CNTN1: variants seen among roughly 807,000 people sequenced by gnomAD.
CNTN1 encodes contactin 1.
CNTN1 carries 38 observed loss-of-function variants against 126.4 expected under a neutral mutation model. The ratio of observed to expected loss-of-function variants is 0.30; its 90% confidence interval spans 0.23 to 0.39. The LOEUF (loss-of-function observed/expected upper bound fraction) is 0.39, where lower values mean the gene tolerates loss of function less well. Ranked by LOEUF, CNTN1 falls within the 10% of genes least tolerant of loss-of-function variation. The probability of loss-of-function intolerance (pLI) is 1.00; values close to 1 mark genes in which losing one functional copy is unlikely to be tolerated. For synonymous variants in CNTN1, 413 were observed against 422.6 expected (o/e 0.98, Z 0.28); for missense variants, 1,009 against 1,248.4 (o/e 0.81, Z 2.89).
At chr12:40,945,590 C>A (rs1034788732) in intron 14 of CNTN1, among the ~76,000 whole-genome samples, 1 of 151,438 alleles carries the variant, frequency 6.6e-6, no homozygotes, top group African/African-American at 2.4e-5. Flanking sequence ...ACTGAAACTT[C>A]ATATTTAGAG....
rs144009431 is a variant in CNTN1 at position 40,911,606 on chromosome 12, A to G, written c.94+1501A>G. 8.5e-5 allele frequency among the ~76,000 whole-genome samples: 13 copies of G among 152,278 alleles called. No homozygotes were observed. The East Asian group carries it at 2.5e-3, about 29-fold the overall frequency. ...CAAAAACTGCCTCATTCATGTCTCTAATGTCACACATTGTAAGTCCAGTGG... is the reference window on the plus strand; with the variant it reads ...CAAAAACTGCCTCATTCATGTCTCTGATGTCACACATTGTAAGTCCAGTGG... On this transcript the variant is annotated intron_variant, in intron 3 of 23. Coordinates refer to ENST00000551295, the MANE Select transcript of CNTN1 (RefSeq NM_001843.4).
intron 3 of CNTN1, among the ~76,000 whole-genome samples, chr12:40,910,473 T>C (rs1187817606): frequency 2.0e-5 from 3 of 152,190 alleles, no homozygotes; most frequent in African/African-American, 7.2e-5. Flanking sequence ...ATAACTAAAG[T>C]TAGTGAAATT....
chr12:41,041,888 T>G (rs1566200804), intron 23 of CNTN1, among the ~76,000 whole-genome samples: 1 of 152,174 alleles, frequency 6.6e-6, no homozygotes, highest in Non-Finnish European at 1.5e-5. Flanking sequence ...TTTAATTTTT[T>G]GAAGGGTTTT....
intron 1 of CNTN1, among the ~76,000 whole-genome samples, chr12:40,768,969 A>G (rs2136429439): frequency 6.6e-6 from 1 of 152,272 alleles, no homozygotes; most frequent in South Asian, 2.1e-4. Flanking sequence ...ATATGTTTAC[A>G]TGTTCTTTCA....
intron 1 of CNTN1, among the ~76,000 whole-genome samples, chr12:40,714,344 T>A (rs1369039519): frequency 6.6e-6 from 1 of 152,064 alleles, no homozygotes; most frequent in Non-Finnish European, 1.5e-5. Flanking sequence ...ACACAAATGA[T>A]CCCATATTAC....
At chr12:40,876,049 A>G (rs1228717997) in intron 1 of CNTN1, among the ~76,000 whole-genome samples, 1 of 151,644 alleles carries the variant, frequency 6.6e-6, no homozygotes, top group Non-Finnish European at 1.5e-5. Flanking sequence ...TACCACCAAT[A>G]TTTTTAATTT....
intron 1 of CNTN1, among the ~76,000 whole-genome samples, chr12:40,800,054 G>A (rs1940587235): frequency 6.6e-6 from 1 of 151,976 alleles, no homozygotes; most frequent in African/African-American, 2.4e-5. Flanking sequence ...GTTTGGTTCT[G>A]TGTCCCTACC....
Position 40,918,725 on chromosome 12 carries a change from G to A in CNTN1, c.181G>A (p.Val61Ile). ...IYPEESLEGK[V>I]SLNCRARASP... ...TCCAGAGGAATCACTGGAAGGAAAAGTCTCACTCAACTGTAGGGCACGAGC... is the reference window on the plus strand; with the variant it reads ...TCCAGAGGAATCACTGGAAGGAAAAATCTCACTCAACTGTAGGGCACGAGC... Residue 61 changes from valine to isoleucine, a missense_variant, in exon 4 of 24, where the codon GTC becomes ATC. Transcript: ENST00000551295. The A allele has an allele frequency of 2.5e-6, 4 of 1,613,736 alleles. No homozygotes were observed. The highest frequency in any genetic ancestry group is 3.4e-6 in the Non-Finnish European group (4 of 1,179,728).
chr12:40,780,723 G>A (rs1416044156), intron 1 of CNTN1, among the ~76,000 whole-genome samples: 1 of 148,340 alleles, frequency 6.7e-6, no homozygotes. Flanking sequence ...TCATTTCAAG[G>A]TTCATCTCAA....
intron 1 of CNTN1, among the ~76,000 whole-genome samples, chr12:40,783,216 A>G (rs996051371): frequency 4.9e-5 from 7 of 144,204 alleles, no homozygotes; most frequent in Non-Finnish European, 1.1e-4. Flanking sequence ...TTTATTAAAG[A>G]TTTTAGAGTG....
At chr12:40,908,613 T>A in intron 2 of CNTN1, 120 bp downstream of exon 2, 1 of 661,896 alleles carries the variant, frequency 1.5e-6, no homozygotes, top group Non-Finnish European at 2.6e-6. Flanking sequence ...GTCAGATAAG[T>A]AGATAAATAT....
chr12:40,945,673 G>GA (rs542332318), intron 14 of CNTN1, among the ~76,000 whole-genome samples: 31 of 143,496 alleles, frequency 2.2e-4, no homozygotes, highest in South Asian at 4.4e-4. Context: ...AAAGAAAATG[G>GA]AAAAAAAAAG....
chr12:40,773,497 T>C lies in CNTN1; in HGVS notation c.-77+80905T>C, dbSNP rs916667250. Reference sequence around the variant, plus strand: ...ATAGTTAACATTTCATTGACTTTCATATGTTAAATCTGTGCTGTGTGAGCA... The same window carrying C: ...ATAGTTAACATTTCATTGACTTTCACATGTTAAATCTGTGCTGTGTGAGCA... On this transcript the variant is annotated intron_variant, in intron 1 of 23. Coordinates refer to ENST00000551295, the MANE Select transcript of CNTN1 (RefSeq NM_001843.4). Among the ~76,000 whole-genome samples, 27 of 151,358 alleles carry C rather than the reference T, an allele frequency of 1.8e-4. No individual in the cohort carries two copies. In the East Asian group the frequency reaches 4.3e-3, roughly 24 times the overall value.
chr12:40,897,522 A>AC (rs1299169242), intron 1 of CNTN1, among the ~76,000 whole-genome samples: 1 of 152,202 alleles, frequency 6.6e-6, no homozygotes. Flanking sequence ...AATTAAAGAT[A>AC]CCAGAAACTA....
At chr12:40,719,794 GA>G (rs1350513774) in intron 1 of CNTN1, among the ~76,000 whole-genome samples, 2 of 152,060 alleles carry the variant, frequency 1.3e-5, no homozygotes, top group Admixed American at 6.5e-5. Flanking sequence ...TTTGTTAAAA[GA>G]TTTATCTTGG....
chr12:40,734,512 C>T (rs1371649378), intron 1 of CNTN1, among the ~76,000 whole-genome samples: 1 of 152,074 alleles, frequency 6.6e-6, no homozygotes, highest in Non-Finnish European at 1.5e-5. Context: ...TGCACTGAGA[C>T]ATTTAAATAC....
chr12:40,992,331 A>G (rs978708714), intron 16 of CNTN1, among the ~76,000 whole-genome samples: 1 of 152,160 alleles, frequency 6.6e-6, no homozygotes, highest in Non-Finnish European at 1.5e-5. Flanking sequence ...TTGCCAGATA[A>G]AACTTCCCTA....
chr12:40,817,001 G>A (rs1941277173), intron 1 of CNTN1, among the ~76,000 whole-genome samples: 1 of 152,186 alleles, frequency 6.6e-6, no homozygotes, highest in African/African-American at 2.4e-5. Context: ...ATTGCACTGT[G>A]GTTTGCAAGA....
chr12:40,984,869 A>G (rs1238984091), intron 16 of CNTN1, among the ~76,000 whole-genome samples: 1 of 152,158 alleles, frequency 6.6e-6, no homozygotes, highest in Non-Finnish European at 1.5e-5. Flanking sequence ...ATGTGTGAAT[A>G]TATATACATA....
Sources: allele counts gnomAD v4.1 joint callset (sites outside exome capture counted in the v4.1 genomes callset), GRCh38; gene constraint gnomAD v4.1.1; transcripts MANE v1.5; gene names NCBI Gene and HGNC (gene_info 2026-07-23, HGNC 2026-07-21).